The following CDKAL1 variants were observed in gnomAD, a reference collection of about 807,000 sequenced individuals.
The protein encoded by CDKAL1 is CDKAL1 threonylcarbamoyladenosine tRNA methylthiotransferase.
Under a neutral mutation model 68.2 loss-of-function variants are expected in CDKAL1, and 32 were observed. The ratio of observed to expected loss-of-function variants is 0.47; its 90% CI spans 0.35 to 0.63. CDKAL1 has a LOEUF of 0.63. CDKAL1 is among the 30% of genes least tolerant of loss of function. The probability of loss-of-function intolerance (pLI) is 0.00; values close to 1 mark genes in which losing one functional copy is unlikely to be tolerated. For missense variants in CDKAL1, 606 were observed against 696.7 expected, an observed-to-expected ratio of 0.87 and a Z score of 1.47; for synonymous variants, 234 against 244.3, an observed-to-expected ratio of 0.96 and a Z score of 0.39.
At position 20,590,233 on chromosome 6, in the gene CDKAL1, A is replaced by G. The variant is rs189423746; in HGVS notation, c.286+41528A>G. Reference sequence around the variant, plus strand: ...ACTTTCAGTCTCATTTTTCATCTTTAAAAACAAGATTATATTATGTTGTAT... The same window carrying G: ...ACTTTCAGTCTCATTTTTCATCTTTGAAAACAAGATTATATTATGTTGTAT... On this transcript the variant is annotated intron_variant, in intron 4 of 15. Transcript: ENST00000274695. Among the ~76,000 whole-genome samples the G allele has an allele frequency of 3.9e-5, 6 of 152,256 alleles. No homozygotes were observed. The East Asian group carries it at 1.2e-3, about 29-fold the overall frequency.
chr6:20,543,360 T>G (rs1404076195), intron 2 of CDKAL1, among the ~76,000 whole-genome samples: 1 of 152,260 alleles, frequency 6.6e-6, no homozygotes, highest in Non-Finnish European at 1.5e-5. Context: ...TTATCCATTC[T>G]GAAAGGTGTA....
At chr6:20,846,852 C>T in intron 9 of CDKAL1, among the ~76,000 whole-genome samples, 1 of 152,172 alleles carries the variant, frequency 6.6e-6, no homozygotes, top group East Asian at 1.9e-4. Context: ...CCATAAACTT[C>T]CTCTTTTGTC....
chr6:20,979,466 A>G (rs1464117949), intron 10 of CDKAL1, among the ~76,000 whole-genome samples: 1 of 152,122 alleles, frequency 6.6e-6, no homozygotes, highest in East Asian at 1.9e-4. Flanking sequence ...GAGGTGAGCA[A>G]TTGCATTCTA....
intron 8 of CDKAL1, among the ~76,000 whole-genome samples, chr6:20,812,550 C>A (rs1776866080): frequency 6.6e-6 from 1 of 152,086 alleles, no homozygotes; most frequent in Non-Finnish European, 1.5e-5. Context: ...TCTCTGCATC[C>A]CCATCTGCAG....
intron 12 of CDKAL1, among the ~76,000 whole-genome samples, chr6:21,099,161 G>C (rs1773461608): frequency 6.6e-6 from 1 of 152,098 alleles, no homozygotes; most frequent in Non-Finnish European, 1.5e-5. Context: ...TAAATCCCCA[G>C]GTGATTCCAA....
chr6:20,704,057 G>A (rs1207061059), intron 5 of CDKAL1, among the ~76,000 whole-genome samples: 2 of 152,166 alleles, frequency 1.3e-5, no homozygotes, highest in Non-Finnish European at 2.9e-5. Context: ...ATTATTGATT[G>A]TTTCAGGTAT....
intron 4 of CDKAL1, among the ~76,000 whole-genome samples, chr6:20,631,051 C>G (rs538923414): frequency 6.6e-6 from 1 of 152,328 alleles, no homozygotes; most frequent in African/African-American, 2.4e-5. Context: ...CCCTCTGAGT[C>G]ATAAGGCAGA....
chr6:21,090,130 C>T (rs562022119), intron 12 of CDKAL1, among the ~76,000 whole-genome samples: 4 of 152,254 alleles, frequency 2.6e-5, no homozygotes, highest in African/African-American at 7.2e-5. Flanking sequence ...CCTTTCAGCT[C>T]ATGATAAGAT....
chr6:21,011,259 C>A (rs945440080), intron 11 of CDKAL1, among the ~76,000 whole-genome samples: 1 of 151,162 alleles, frequency 6.6e-6, no homozygotes, highest in African/African-American at 2.4e-5. Flanking sequence ...TGGCGGGCAC[C>A]TGTAGTCCCA....
intron 8 of CDKAL1, among the ~76,000 whole-genome samples, chr6:20,820,694 A>G (rs987434445): frequency 2.0e-5 from 3 of 152,116 alleles, no homozygotes; most frequent in Non-Finnish European, 4.4e-5. Context: ...TGTGACCTTG[A>G]GAAAGCCTTG....
intron 9 of CDKAL1, among the ~76,000 whole-genome samples, chr6:20,952,668 G>T (rs1451014338): frequency 6.6e-6 from 1 of 152,238 alleles, no homozygotes; most frequent in Non-Finnish European, 1.5e-5. Flanking sequence ...AAGCACTTCT[G>T]TCCGTAAGTC....
intron 5 of CDKAL1, among the ~76,000 whole-genome samples, chr6:20,658,127 C>G (rs576686114): frequency 2.5e-4 from 38 of 152,258 alleles, no homozygotes; most frequent in African/African-American, 8.7e-4. Flanking sequence ...GGATCTTTTC[C>G]ATGCCACCTA....
At chr6:21,071,908 A>T (rs940896002) in intron 12 of CDKAL1, among the ~76,000 whole-genome samples, 1 of 152,174 alleles carries the variant, frequency 6.6e-6, no homozygotes, top group Non-Finnish European at 1.5e-5. Flanking sequence ...CGGGAGAAAG[A>T]GTTCTGATCT....
chr6:20,896,093 C>A (rs372338861), intron 9 of CDKAL1, among the ~76,000 whole-genome samples: 4 of 104,608 alleles, frequency 3.8e-5, no homozygotes, highest in African/African-American at 1.4e-4. Flanking sequence ...TTTTTCTTTT[C>A]TTTTCTTTTC....
chr6:20,886,848 G>A (rs991142635), intron 9 of CDKAL1, among the ~76,000 whole-genome samples: 1 of 152,116 alleles, frequency 6.6e-6, no homozygotes, highest in Admixed American at 6.5e-5. Flanking sequence ...TGTAATAAAT[G>A]TCCCAGAAAT....
At chr6:20,722,864 C>A (rs1461007560) in intron 5 of CDKAL1, among the ~76,000 whole-genome samples, 2 of 152,036 alleles carry the variant, frequency 1.3e-5, no homozygotes, top group Admixed American at 1.3e-4. Context: ...AGCCAGACAG[C>A]CAGCCTGACA....
intron 10 of CDKAL1, among the ~76,000 whole-genome samples, chr6:20,991,933 TATA>T (rs1008037975): frequency 2.7e-5 from 4 of 150,402 alleles, no homozygotes; most frequent in African/African-American, 9.8e-5. Flanking sequence ...ATTTTAAAAA[TATA>T]ATATCATTAT....
At chr6:20,544,927 T>C (rs889935306) in intron 2 of CDKAL1, among the ~76,000 whole-genome samples, 2 of 151,806 alleles carry the variant, frequency 1.3e-5, no homozygotes, top group African/African-American at 4.8e-5. Flanking sequence ...CTCTCCCCAC[T>C]TGGCCTTTGT....
intron 12 of CDKAL1, among the ~76,000 whole-genome samples, chr6:21,079,289 A>G (rs1772251770): frequency 6.6e-6 from 1 of 152,122 alleles, no homozygotes; most frequent in Non-Finnish European, 1.5e-5. Flanking sequence ...ATAGCTTTAA[A>G]CTGTCCTGTG....
Sources: allele counts gnomAD v4.1 joint callset (sites outside exome capture counted in the v4.1 genomes callset), GRCh38; gene constraint gnomAD v4.1.1; transcripts MANE v1.5; gene names NCBI Gene and HGNC (gene_info 2026-07-23, HGNC 2026-07-21).